Variants in SYCP2L observed in about 807,000 individuals in gnomAD.
SYCP2L encodes synaptonemal complex protein 2 like.
Under a neutral mutation model 125.8 loss-of-function variants are expected in SYCP2L, and 98 were observed. The observed-to-expected ratio is 0.78, with a 90% confidence interval of 0.66 to 0.92. The LOEUF (loss-of-function observed/expected upper bound fraction) is 0.92, where lower values mean the gene tolerates loss of function less well. SYCP2L is among the 40% of genes least tolerant of loss of function. SYCP2L has a pLI of 0.00. For synonymous variants in SYCP2L, 317 were observed against 325.4 expected (o/e 0.97, Z 0.28); for missense variants, 842 against 936.4 (o/e 0.90, Z 1.32).
chr6:10,974,064 C>G lies in SYCP2L; in HGVS notation c.*150C>G, dbSNP rs1025704495. ...ATTTCCTCCCCTCCAAACATCATCC[C>G]TGGGAACTGCTGAGTTCAGATAGAA... On this transcript the variant is annotated 3_prime_UTR_variant, in exon 30 of 30. Coordinates refer to ENST00000283141, the MANE Select transcript of SYCP2L (RefSeq NM_001040274.3). The G allele has an allele frequency of 3.9e-5, 6 of 152,222 alleles. No individual in the cohort carries two copies. Among genetic ancestry groups the G allele is most frequent in the Non-Finnish European group, 8.8e-5 (6 of 68,046 alleles). 9.4% of individuals were successfully genotyped at this position (152,222 alleles called of 1,614,324 possible).
chr6:10,926,478 A>G (rs1239922655), intron 16 of SYCP2L, 46 bp downstream of exon 16: 2 of 1,479,652 alleles, frequency 1.4e-6, no homozygotes, highest in African/African-American at 1.4e-5. Context: ...TTTCTGTAAA[A>G]GCGATGAAAC....
In SYCP2L at chr6:10,937,782, A is replaced by G. The variant is rs940924460; in HGVS notation, c.1813+2595A>G. The stretch of plus-strand genomic sequence containing the variant: ...AAAGGATCATAAGCCATTACAACAA[A>G]CAAATTATACACCAACAAATTGGAT... On this transcript the variant is annotated intron_variant, in intron 21 of 29. Coordinates refer to ENST00000283141, the MANE Select transcript of SYCP2L (RefSeq NM_001040274.3). Among the ~76,000 whole-genome samples the G allele has an allele frequency of 4.3e-4, 65 of 152,322 alleles. 2 individuals are homozygous for G. The highest frequency in any genetic ancestry group is 3.4e-3 in the Middle Eastern group (1 of 294).
At chr6:10,955,369 A>G (rs1781485641) in intron 24 of SYCP2L, 152 bp downstream of exon 24, 1 of 548,670 alleles carries the variant, frequency 1.8e-6, no homozygotes, top group South Asian at 2.7e-5. Flanking sequence ...TTTGGAGACA[A>G]ATAAGTTGTT....
intron 3 of SYCP2L, 28 bp from the exon 4 acceptor site, chr6:10,894,057 G>A (rs780002703): frequency 1.2e-6 from 2 of 1,602,834 alleles, no homozygotes; most frequent in South Asian, 1.1e-5. Flanking sequence ...ATTTATAAGT[G>A]TTTTAACTTA....
chr6:10,936,826 T>C (rs1003260693), intron 21 of SYCP2L, among the ~76,000 whole-genome samples: 1 of 152,218 alleles, frequency 6.6e-6, no homozygotes, highest in Non-Finnish European at 1.5e-5. Flanking sequence ...ATAGACTTTC[T>C]GTCAAAATTT....
At chr6:10,905,103 A>G (rs1780461878) in intron 8 of SYCP2L, among the ~76,000 whole-genome samples, 1 of 134,542 alleles carries the variant, frequency 7.4e-6, no homozygotes, top group Admixed American at 8.4e-5. Flanking sequence ...AGATCGTGCC[A>G]CTGCACTCCA....
chr6:10,912,608 A>G lies in SYCP2L; in HGVS notation c.919-65A>G. On this transcript the variant is annotated intron_variant, in intron 12 of 29. Transcript: ENST00000283141. The surrounding 1 kb of genome is among the most constrained non-coding windows in gnomAD (Gnocchi z 4.1). ...CACAAATTCTATTTTCAAGGGAATA[A>G]TGTTTATCTGACCCTATAGCATGAT... 4 of 1,166,838 alleles carry G rather than the reference A, an allele frequency of 3.4e-6. No individual in the cohort carries two copies. The highest frequency in any genetic ancestry group is 2.5e-6 in the Non-Finnish European group (2 of 792,752). The allele number at this position is 1,166,838 out of a possible 1,614,324, so 72.3% of individuals were successfully genotyped here. A position where few individuals can be genotyped will look rare whatever the true frequency, so the allele number is the denominator to read the frequency against.
At position 10,945,280 on chromosome 6, in the gene SYCP2L, T is replaced by C. The variant is rs1242861524; in HGVS notation, c.1954+2534T>C. Among the ~76,000 whole-genome samples, 6 of 152,322 alleles carry C rather than the reference T, an allele frequency of 3.9e-5. No homozygotes were observed. The East Asian group carries it at 9.6e-4, about 24-fold the overall frequency. On this transcript the variant is annotated intron_variant, in intron 23 of 29. Transcript: ENST00000283141. ...ACAATCATTGGGTGCAGTGTCTCTA[T>C]ATATGTATATTCATTAGGTTACTTT...
chr6:10,952,875 T>G (rs1781436418), intron 23 of SYCP2L, among the ~76,000 whole-genome samples: 1 of 152,138 alleles, frequency 6.6e-6, no homozygotes, highest in African/African-American at 2.4e-5. Context: ...TTCAAACAAA[T>G]GGACACACCT....
At chr6:10,903,823 A>T (rs1039104709) in intron 8 of SYCP2L, among the ~76,000 whole-genome samples, 2 of 149,490 alleles carry the variant, frequency 1.3e-5, no homozygotes, top group African/African-American at 2.5e-5. Flanking sequence ...AATAATTATA[A>T]TTTTTTTTTC....
At position 10,922,697 on chromosome 6, in the gene SYCP2L, C is replaced by T. The variant is rs1455277059; in HGVS notation, c.1073-1799C>T. 4 of 152,020 alleles carry T rather than the reference C, an allele frequency of 2.6e-5. No individual in the cohort carries two copies. In the South Asian group the frequency reaches 6.2e-4, roughly 24 times the overall value. 9.4% of individuals were successfully genotyped at this position (152,020 alleles called of 1,614,324 possible). A position where few individuals can be genotyped will look rare whatever the true frequency, so the allele number is the denominator to read the frequency against. ...TTGTTGCATGGTTTTATAGACTTTC[C>T]CTGGAGTGATGAGTAAAATGTCCGG... is the stretch of plus-strand genomic sequence containing the variant. On this transcript the variant is annotated intron_variant, in intron 14 of 29. Transcript: ENST00000283141.
chr6:10,947,772 A>G (rs1781341560), intron 23 of SYCP2L, among the ~76,000 whole-genome samples: 1 of 152,040 alleles, frequency 6.6e-6, no homozygotes, highest in African/African-American at 2.4e-5. Context: ...CAATATCTTT[A>G]GTATGTCTTA....
chr6:10,891,439 GCT>G, intron 1 of SYCP2L, 72 bp from the exon 2 acceptor site: 3 of 376,078 alleles, frequency 8.0e-6, no homozygotes, highest in Non-Finnish European at 7.7e-6. Context: ...TTTTTTTTTT[GCT>G]TTGTGTTTAA....
At chr6:10,892,685 GT>G (rs1780193534) in intron 2 of SYCP2L, among the ~76,000 whole-genome samples, 1 of 152,148 alleles carries the variant, frequency 6.6e-6, no homozygotes, top group East Asian at 1.9e-4. Flanking sequence ...CTTGCTACTT[GT>G]ATCCTGAGAT....
At chr6:10,957,382 A>G (rs1201012768) in intron 25 of SYCP2L, among the ~76,000 whole-genome samples, 14 of 152,204 alleles carry the variant, frequency 9.2e-5, no homozygotes, top group Non-Finnish European at 1.5e-5. Flanking sequence ...AGTGGGACCA[A>G]GTGGACCTAT....
chr6:10,908,575 T>C (rs1780549829), intron 10 of SYCP2L, among the ~76,000 whole-genome samples: 1 of 152,214 alleles, frequency 6.6e-6, no homozygotes, highest in Non-Finnish European at 1.5e-5. Context: ...TTTTAAAAAG[T>C]TTTTAAAATG....
At chr6:10,956,390 T>A (rs1352406265) in intron 25 of SYCP2L, 148 bp downstream of exon 25, 1 of 623,188 alleles carries the variant, frequency 1.6e-6, no homozygotes, top group African/African-American at 1.9e-5. Flanking sequence ...AGAAGGGTGG[T>A]TACCAGGGGT....
chr6:10,972,947 C>T (rs913709804), intron 29 of SYCP2L, among the ~76,000 whole-genome samples: 4 of 152,100 alleles, frequency 2.6e-5, no homozygotes, highest in African/African-American at 4.8e-5. Context: ...CAAGGGAATC[C>T]GGAGAGGTGA....
intron 1 of SYCP2L, among the ~76,000 whole-genome samples, chr6:10,888,040 C>T (rs1442609335): frequency 6.9e-6 from 1 of 144,746 alleles, no homozygotes; most frequent in Non-Finnish European, 1.5e-5. Context: ...GTCCTCACTC[C>T]AATCCTTCCA....
Sources: gnomAD v4.1 joint callset for allele counts (sites outside exome capture counted in the v4.1 genomes callset) on GRCh38, gnomAD v4.1.1 for gene constraint, Gnocchi (gnomAD v3.1) non-coding constraint, MANE v1.5 for transcripts, NCBI Gene and HGNC (gene_info 2026-07-23, HGNC 2026-07-21) for gene names.